The following JAM3 variants were observed in gnomAD, a reference collection of about 807,000 sequenced individuals.
The protein encoded by JAM3 is junctional adhesion molecule C.
In JAM3, 31 loss-of-function variants were observed where a neutral mutation model predicts 39.4. The observed-to-expected ratio is 0.79, with a 90% CI of 0.59 to 1.06. The LOEUF is 1.06. Among genes scored for constraint, JAM3 ranks in the 50% least tolerant of loss-of-function variants. The pLI, the probability that JAM3 is intolerant of heterozygous loss-of-function variation, is 0.00. For synonymous variants in JAM3, 182 were observed against 148.7 expected (o/e 1.22, Z -1.63); for missense variants, 455 against 391.4 (o/e 1.16, Z -1.37).
At chr11:134,094,047 G>A (rs1414239713) in intron 1 of JAM3, among the ~76,000 whole-genome samples, 2 of 112,326 alleles carry the variant, frequency 1.8e-5, no homozygotes, top group African/African-American at 3.4e-5. Context: ...CCTGAGGGAA[G>A]CTTCTCCTGA....
rs746606404 is a variant in JAM3, at chr11:134,145,044, G to A, written c.612+50G>A. The A allele has an allele frequency of 3.6e-6, 5 of 1,407,420 alleles. No individual in the cohort carries two copies. The Admixed American group carries it at 6.7e-5, about 19-fold the overall frequency. 87.2% of individuals were successfully genotyped at this position (1,407,420 alleles called of 1,614,324 possible). ...GATGGAGATGTCTTTGTTGGGGCAA[G>A]AGATGCTTATTGTGAAAAGAAGATT... is the stretch of plus-strand genomic sequence containing the variant. On this transcript the variant is annotated intron_variant, in intron 5 of 8. Coordinates refer to ENST00000299106, the MANE Select transcript of JAM3 (RefSeq NM_032801.5).
At chr11:134,094,545 T>G (rs1394841330) in intron 1 of JAM3, among the ~76,000 whole-genome samples, 2 of 151,314 alleles carry the variant, frequency 1.3e-5, no homozygotes, top group South Asian at 4.2e-4. Context: ...TGTCACTTCC[T>G]GAGGGAAGCT....
At chr11:134,098,551 C>G (rs1249536812) in intron 1 of JAM3, among the ~76,000 whole-genome samples, 1 of 152,118 alleles carries the variant, frequency 6.6e-6, no homozygotes, top group Non-Finnish European at 1.5e-5. Flanking sequence ...AGTATAGATA[C>G]TCATTCTCTG....
At chr11:134,073,691 A>T (rs1305693398) in intron 1 of JAM3, among the ~76,000 whole-genome samples, 1 of 152,174 alleles carries the variant, frequency 6.6e-6, no homozygotes, top group Non-Finnish European at 1.5e-5. Context: ...TCCGATTTAC[A>T]TTGGGCTTTA....
chr11:134,146,308 TTAGTAAAC>T (rs1294703169), intron 6 of JAM3, among the ~76,000 whole-genome samples: 1 of 152,146 alleles, frequency 6.6e-6, no homozygotes, highest in Non-Finnish European at 1.5e-5. Context: ...CACTGCAAGT[TTAGTAAAC>T]TCCATTCTTT....
chr11:134,146,493 G>A (rs1395969973), intron 6 of JAM3, among the ~76,000 whole-genome samples: 1 of 152,038 alleles, frequency 6.6e-6, no homozygotes, highest in Non-Finnish European at 1.5e-5. Context: ...TTCCCCTAAT[G>A]GAGGGGCGTT....
intron 1 of JAM3, among the ~76,000 whole-genome samples, chr11:134,090,008 G>A (rs1941816236): frequency 6.6e-6 from 1 of 152,144 alleles, no homozygotes; most frequent in Admixed American, 6.5e-5. Flanking sequence ...ATTCTAACTG[G>A]TGTGAGATGG....
chr11:134,130,577 G>A (rs1942751229), intron 1 of JAM3, among the ~76,000 whole-genome samples: 1 of 152,252 alleles, frequency 6.6e-6, no homozygotes, highest in East Asian at 1.9e-4. Flanking sequence ...CGTTGTAGAA[G>A]CTCTGAAATC....
intron 1 of JAM3, among the ~76,000 whole-genome samples, chr11:134,088,224 C>T (rs1565484005): frequency 6.6e-6 from 1 of 152,118 alleles, no homozygotes; most frequent in Non-Finnish European, 1.5e-5. Context: ...AAAGCAGTGG[C>T]ATATGTTTAA....
At chr11:134,129,560 C>A (rs765686555) in intron 1 of JAM3, among the ~76,000 whole-genome samples, 13 of 152,014 alleles carry the variant, frequency 8.6e-5, no homozygotes, top group Admixed American at 2.6e-4. Context: ...AGTCATTGGT[C>A]CCTAGATAGC....
At chr11:134,131,767 C>G (rs930071402) in intron 1 of JAM3, among the ~76,000 whole-genome samples, 2 of 152,110 alleles carry the variant, frequency 1.3e-5, no homozygotes, top group African/African-American at 4.8e-5. Flanking sequence ...AGAAATGAAA[C>G]AAATTTTGGA....
intron 1 of JAM3, among the ~76,000 whole-genome samples, chr11:134,109,565 A>T (rs1002707400): frequency 1.3e-5 from 2 of 152,226 alleles, no homozygotes; most frequent in African/African-American, 4.8e-5. Flanking sequence ...GTCTCAATCA[A>T]TTGAGAACTT....
intron 1 of JAM3, among the ~76,000 whole-genome samples, chr11:134,100,657 A>T (rs934095930): frequency 2.0e-5 from 3 of 152,158 alleles, no homozygotes; most frequent in South Asian, 4.1e-4. Context: ...ATGTGAATGC[A>T]TTCTCTGCGT....
intron 1 of JAM3, among the ~76,000 whole-genome samples, chr11:134,129,146 G>A (rs981735047): frequency 1.5e-4 from 22 of 146,414 alleles, no homozygotes; most frequent in African/African-American, 5.1e-4. Context: ...TTTTGACAGA[G>A]TCTCGCTCTG....
chr11:134,076,441 A>T (rs1438181959), intron 1 of JAM3, among the ~76,000 whole-genome samples: 3 of 152,092 alleles, frequency 2.0e-5, no homozygotes, highest in Admixed American at 2.0e-4. Flanking sequence ...GGTGTGAGCC[A>T]CCGCACCTGG....
intron 1 of JAM3, chr11:134,139,644 T>G (rs1018522889): frequency 2.2e-5 from 13 of 594,000 alleles, no homozygotes; most frequent in Non-Finnish European, 3.6e-5. Context: ...AACTCTTCTC[T>G]TTCCCTTGGC....
At chr11:134,106,794 A>G (rs939508947) in intron 1 of JAM3, among the ~76,000 whole-genome samples, 1 of 152,242 alleles carries the variant, frequency 6.6e-6, no homozygotes, top group Non-Finnish European at 1.5e-5. Flanking sequence ...ACCATCTCAC[A>G]CCAGTTAGAA....
At chr11:134,117,379 CA>C (rs1942455989) in intron 1 of JAM3, among the ~76,000 whole-genome samples, 1 of 123,912 alleles carries the variant, frequency 8.1e-6, no homozygotes, top group East Asian at 2.4e-4. Context: ...AACTCCATCT[CA>C]AAAAAAGAAA....
chr11:134,148,079 C>G (rs770221824), intron 6 of JAM3: 1 of 223,516 alleles, frequency 4.5e-6, no homozygotes, highest in Non-Finnish European at 8.9e-6. Context: ...ACCTAGGATT[C>G]TTTACTTGTT....
Sources: allele counts gnomAD v4.1 joint callset (sites outside exome capture counted in the v4.1 genomes callset), GRCh38; gene constraint gnomAD v4.1.1; transcripts MANE v1.5; gene names NCBI Gene and HGNC (gene_info 2026-07-23, HGNC 2026-07-21).